The following CDH13 variants were observed in gnomAD, a reference collection of about 807,000 sequenced individuals.
CDH13 encodes cadherin-13.
Under a neutral mutation model 63.8 loss-of-function variants are expected in CDH13, and 24 were observed. That is an observed-to-expected ratio of 0.38 (90% CI 0.27 to 0.53). CDH13 has a LOEUF of 0.53. Among genes scored for constraint, CDH13 ranks in the 20% least tolerant of loss-of-function variants. The pLI is 0.85. For missense variants in CDH13, 1,049 were observed against 903.1 expected (o/e 1.16, Z -2.07); for synonymous variants, 503 against 355.3 (o/e 1.42, Z -4.67).
chr16:82,690,853 C>T (rs762385939), intron 1 of CDH13, among the ~76,000 whole-genome samples: 16 of 152,322 alleles, frequency 1.1e-4, no homozygotes, highest in South Asian at 4.1e-4. Flanking sequence ...CTGTCAACCC[C>T]GCAACTGCCT....
chr16:83,067,433 A>T (rs1381897946), intron 3 of CDH13, among the ~76,000 whole-genome samples: 1 of 152,222 alleles, frequency 6.6e-6, no homozygotes, highest in African/African-American at 2.4e-5. Flanking sequence ...CAAGGACTCA[A>T]TGACAGCAAA....
intron 10 of CDH13, among the ~76,000 whole-genome samples, chr16:83,711,918 T>G (rs1448411500): frequency 2.0e-5 from 3 of 152,198 alleles, no homozygotes; most frequent in Non-Finnish European, 4.4e-5. Flanking sequence ...GAAATTTAAT[T>G]TCTTACAATT....
chr16:83,093,460 A>G (rs138916074), intron 3 of CDH13, among the ~76,000 whole-genome samples: 3,873 of 151,690 alleles, frequency 0.026, 72 homozygotes, highest in South Asian at 0.058. Context: ...CTGGGATTAT[A>G]GGCACCCACC....
intron 8 of CDH13, among the ~76,000 whole-genome samples, chr16:83,649,603 G>A (rs1382093312): frequency 1.3e-5 from 2 of 152,214 alleles, no homozygotes; most frequent in Middle Eastern, 3.4e-3. Flanking sequence ...ATAGCCGGTG[G>A]GAGCCAGGGA....
intron 8 of CDH13, among the ~76,000 whole-genome samples, chr16:83,617,057 A>G (rs1259719387): frequency 6.6e-6 from 1 of 152,144 alleles, no homozygotes; most frequent in African/African-American, 2.4e-5. Flanking sequence ...AAAACATGTT[A>G]GCCCCCTTCC....
chr16:83,588,955 G>C (rs568759155), intron 7 of CDH13, among the ~76,000 whole-genome samples: 1 of 152,122 alleles, frequency 6.6e-6, no homozygotes, highest in African/African-American at 2.4e-5. Flanking sequence ...AGGTGTACTC[G>C]TTTCCTGTGG....
At chr16:82,770,214 G>A (rs952863756) in intron 1 of CDH13, among the ~76,000 whole-genome samples, 21 of 152,364 alleles carry the variant, frequency 1.4e-4, no homozygotes, top group African/African-American at 4.3e-4. Flanking sequence ...TGTTCGAATA[G>A]TAATGTTTTC....
intron 1 of CDH13, among the ~76,000 whole-genome samples, chr16:82,765,098 T>C (rs2035005137): frequency 6.6e-6 from 1 of 152,190 alleles, no homozygotes; most frequent in Non-Finnish European, 1.5e-5. Context: ...CTTCATTCAT[T>C]CTTAAATCAT....
chr16:82,691,516 C>T (rs1258244666), intron 1 of CDH13, among the ~76,000 whole-genome samples: 1 of 152,156 alleles, frequency 6.6e-6, no homozygotes, highest in Non-Finnish European at 1.5e-5. Context: ...ATTAATGCAC[C>T]CTTTACTGAC....
intron 1 of CDH13, among the ~76,000 whole-genome samples, chr16:82,835,380 C>T (rs1367090612): frequency 6.6e-6 from 1 of 152,190 alleles, no homozygotes; most frequent in Admixed American, 6.5e-5. Context: ...TTTAAGGTCA[C>T]ATAGCACCTG....
At chr16:82,828,722 A>G (rs1040488400) in intron 1 of CDH13, among the ~76,000 whole-genome samples, 8 of 152,196 alleles carry the variant, frequency 5.3e-5, no homozygotes, top group African/African-American at 1.9e-4. Flanking sequence ...ACACACATTC[A>G]AAGAAAAAAT....
chr16:83,688,892 A>G (rs1253171506), intron 10 of CDH13, among the ~76,000 whole-genome samples: 1 of 152,206 alleles, frequency 6.6e-6, no homozygotes, highest in Non-Finnish European at 1.5e-5. Context: ...AAATTAAACT[A>G]TGGGATTTTT....
chr16:83,251,850 A>G (rs1333490330), intron 5 of CDH13, among the ~76,000 whole-genome samples: 3 of 152,032 alleles, frequency 2.0e-5, no homozygotes, highest in African/African-American at 7.2e-5. Flanking sequence ...GGGTCCACCT[A>G]GAGGCAGGGA....
intron 2 of CDH13, among the ~76,000 whole-genome samples, chr16:82,975,066 A>G (rs774999431): frequency 8.5e-5 from 13 of 152,168 alleles, no homozygotes; most frequent in Non-Finnish European, 1.5e-4. Flanking sequence ...ACTTGGCCCA[A>G]CTCGTCTTTC....
At chr16:83,273,555 A>G (rs917268502) in intron 5 of CDH13, among the ~76,000 whole-genome samples, 1 of 152,170 alleles carries the variant, frequency 6.6e-6, no homozygotes, top group African/African-American at 2.4e-5. Context: ...AAAGAACGAG[A>G]TCATGTCCTT....
chr16:83,376,509 A>G, intron 6 of CDH13, among the ~76,000 whole-genome samples: 1 of 152,344 alleles, frequency 6.6e-6, no homozygotes, highest in Non-Finnish European at 1.5e-5. Flanking sequence ...GCTCTTGATG[A>G]GTTTTGAGTA....
chr16:83,255,667 G>C (rs183103471), intron 5 of CDH13, among the ~76,000 whole-genome samples: 1 of 152,224 alleles, frequency 6.6e-6, no homozygotes, highest in East Asian at 1.9e-4. Flanking sequence ...TGGCCTGCTA[G>C]GATAAATACG....
chr16:83,032,387 A>G, intron 3 of CDH13, 169 bp downstream of exon 3: 1 of 597,062 alleles, frequency 1.7e-6, no homozygotes, highest in South Asian at 2.1e-5. Context: ...GGCAGCGGGA[A>G]TTAATTGATT....
chr16:83,020,381 G>C (rs1226564805), intron 2 of CDH13, among the ~76,000 whole-genome samples: 6 of 152,082 alleles, frequency 3.9e-5, no homozygotes, highest in Admixed American at 3.3e-4. Context: ...CTTGGAGGAA[G>C]GGCCTCCCCA....
Sources: gnomAD v4.1 joint callset for allele counts (sites outside exome capture counted in the v4.1 genomes callset) on GRCh38, gnomAD v4.1.1 for gene constraint, MANE v1.5 for transcripts, NCBI Gene and HGNC (gene_info 2026-07-23, HGNC 2026-07-21) for gene names.